The following PPM1H variants were observed in gnomAD, a reference collection of about 807,000 sequenced individuals.
The protein encoded by PPM1H is protein phosphatase 1H.
In PPM1H, 27 loss-of-function variants were observed where a neutral mutation model predicts 54.9. That is an observed-to-expected ratio of 0.49 (90% CI 0.36 to 0.68). PPM1H has a LOEUF of 0.68. Among genes scored for constraint, PPM1H ranks in the 30% least tolerant of loss-of-function variants. The probability of loss-of-function intolerance (pLI) is 0.00; values close to 1 mark genes in which losing one functional copy is unlikely to be tolerated. For missense variants in PPM1H, 596 were observed against 667.8 expected, an observed-to-expected ratio of 0.89 and a Z score of 1.19; for synonymous variants, 305 against 270.8, an observed-to-expected ratio of 1.13 and a Z score of -1.24.
intron 4 of PPM1H, among the ~76,000 whole-genome samples, chr12:62,778,322 A>G (rs2076622522): frequency 6.6e-6 from 1 of 152,220 alleles, no homozygotes; most frequent in South Asian, 2.1e-4. Context: ...TACACGACTT[A>G]GACTACATTT....
At chr12:62,734,521 A>C (rs1212492888) in intron 5 of PPM1H, among the ~76,000 whole-genome samples, 1 of 152,210 alleles carries the variant, frequency 6.6e-6, no homozygotes, top group Non-Finnish European at 1.5e-5. Flanking sequence ...TGAGATCTGA[A>C]GCCACATGCA....
At chr12:62,908,275 T>TGG (rs990588562) in intron 1 of PPM1H, among the ~76,000 whole-genome samples, 1 of 151,902 alleles carries the variant, frequency 6.6e-6, no homozygotes, top group African/African-American at 2.4e-5. Flanking sequence ...GGCGTGATGG[T>TGG]GGGCGCCTGT....
intron 1 of PPM1H, among the ~76,000 whole-genome samples, chr12:62,889,905 T>C (rs1245202871): frequency 6.6e-6 from 1 of 152,210 alleles, no homozygotes; most frequent in Admixed American, 6.5e-5. Context: ...GTACGATCTC[T>C]GAAAGAAATA....
Position 62,645,011 on chromosome 12 carries a change from C to A in PPM1H, c.*3478G>T, listed in dbSNP as rs2075777555. 6.6e-6 allele frequency: 1 copy of A among 152,178 alleles called. No individual in the cohort carries two copies. The allele number at this position is 152,178 out of a possible 1,614,324, so 9.4% of individuals were successfully genotyped here. ...CTTAAGGAAAGCTGAGAACCTCAAA[C>A]CTGTGGAAGGAAAACCAGTGACCAC... On this transcript the variant is annotated 3_prime_UTR_variant, in exon 10 of 10. Transcript: ENST00000228705.
At chr12:62,856,468 T>A (rs530163307) in intron 1 of PPM1H, among the ~76,000 whole-genome samples, 9 of 152,308 alleles carry the variant, frequency 5.9e-5, no homozygotes, top group African/African-American at 2.2e-4. Flanking sequence ...TGTCTCTTTT[T>A]TTTATTTTGT....
At chr12:62,852,477 G>A (rs1394494023) in intron 1 of PPM1H, among the ~76,000 whole-genome samples, 1 of 152,088 alleles carries the variant, frequency 6.6e-6, no homozygotes, top group Non-Finnish European at 1.5e-5. Context: ...AAGTAAATTT[G>A]TTGTTTATGT....
intron 1 of PPM1H, among the ~76,000 whole-genome samples, chr12:62,908,178 C>A (rs866505355): frequency 3.3e-5 from 5 of 152,166 alleles, no homozygotes; most frequent in Admixed American, 1.3e-4. Flanking sequence ...CTTTGGGAAG[C>A]CGAGGGTGGG....
intron 3 of PPM1H, among the ~76,000 whole-genome samples, chr12:62,791,879 G>A (rs191528773): frequency 6.6e-6 from 1 of 152,086 alleles, no homozygotes; most frequent in Non-Finnish European, 1.5e-5. Context: ...AGCCAAGATC[G>A]CACCACACCA....
At chr12:62,679,137 C>G (rs561867574) in intron 8 of PPM1H, among the ~76,000 whole-genome samples, 1 of 152,052 alleles carries the variant, frequency 6.6e-6, no homozygotes, top group South Asian at 2.1e-4. Context: ...CAGGCACATG[C>G]CACCGTGCCC....
intron 6 of PPM1H, among the ~76,000 whole-genome samples, chr12:62,702,683 G>A (rs2076151196): frequency 6.6e-6 from 1 of 152,178 alleles, no homozygotes; most frequent in South Asian, 2.1e-4. Flanking sequence ...TATAACAGGG[G>A]ACCCTATTAT....
intron 6 of PPM1H, among the ~76,000 whole-genome samples, chr12:62,716,950 A>T (rs2076237995): frequency 6.6e-6 from 1 of 152,150 alleles, no homozygotes; most frequent in Non-Finnish European, 1.5e-5. Flanking sequence ...CAGTAGTCTA[A>T]ATTGAATGGA....
rs564922473 is a variant in PPM1H, at chr12:62,878,044, C to T, written c.246-45765G>A. Among the ~76,000 whole-genome samples, 12 of 152,212 alleles carry T rather than the reference C, an allele frequency of 7.9e-5. No individual in the cohort carries two copies. In the South Asian group the frequency reaches 2.3e-3, roughly 29 times the overall value. On this transcript the variant is annotated intron_variant, in intron 1 of 9. Coordinates refer to ENST00000228705, the MANE Select transcript of PPM1H (RefSeq NM_020700.2). ...TCCTGAGTTGCTGAGACTACAGGCGCCCGCCACCACGCCCGGCTAATTTTT... is the reference window on the plus strand; with the variant it reads ...TCCTGAGTTGCTGAGACTACAGGCGTCCGCCACCACGCCCGGCTAATTTTT...
chr12:62,847,266 G>T (rs946286597), intron 1 of PPM1H, among the ~76,000 whole-genome samples: 2 of 152,202 alleles, frequency 1.3e-5, no homozygotes, highest in Admixed American at 6.5e-5. Flanking sequence ...GTGTTCCCAA[G>T]ACCCATTTGT....
intron 1 of PPM1H, among the ~76,000 whole-genome samples, chr12:62,899,365 G>A (rs1468808050): frequency 1.3e-5 from 2 of 151,996 alleles, no homozygotes; most frequent in Non-Finnish European, 2.9e-5. Context: ...GAGGCCAGGA[G>A]TTTGAGATCA....
intron 2 of PPM1H, among the ~76,000 whole-genome samples, chr12:62,824,209 C>T (rs956741398): frequency 2.6e-5 from 4 of 152,130 alleles, no homozygotes; most frequent in African/African-American, 9.7e-5. Flanking sequence ...TGAAGGGCCT[C>T]TTCAAGGAAA....
At chr12:62,892,656 A>G (rs1348257072) in intron 1 of PPM1H, among the ~76,000 whole-genome samples, 1 of 152,220 alleles carries the variant, frequency 6.6e-6, no homozygotes, top group Non-Finnish European at 1.5e-5. Context: ...TGTGTTTACC[A>G]ACAGTATACA....
At chr12:62,885,095 A>G (rs1025043435) in intron 1 of PPM1H, among the ~76,000 whole-genome samples, 1 of 152,170 alleles carries the variant, frequency 6.6e-6, no homozygotes, top group Non-Finnish European at 1.5e-5. Context: ...CAAAAGTAGA[A>G]ACCCCTGATA....
chr12:62,842,181 T>C lies in PPM1H; in HGVS notation c.246-9902A>G, dbSNP rs1868776161. On this transcript the variant is annotated intron_variant, in intron 1 of 9. Transcript: ENST00000228705. ...AAAATAAAGCAGAAAAAATGCTTTT[T>C]GCAGGTTTAGAACAATATCATTTGT... Among the ~76,000 whole-genome samples the C allele has an allele frequency of 2.6e-5, 4 of 152,238 alleles. No individual in the cohort carries two copies. In the South Asian group the frequency reaches 8.3e-4, roughly 32 times the overall value.
At position 62,893,980 on chromosome 12, in the gene PPM1H, G is replaced by A. The variant is rs544249551; in HGVS notation, c.245+40512C>T. ...GAGAAGAGACCAGGTGGAGAGAGAG[G>A]CTCAGCCAGACATCAGCCATTACAG... On this transcript the variant is annotated intron_variant, in intron 1 of 9. Coordinates refer to ENST00000228705, the MANE Select transcript of PPM1H (RefSeq NM_020700.2). 3.9e-5 allele frequency among the ~76,000 whole-genome samples: 6 copies of A among 152,234 alleles called. No homozygotes were observed. The South Asian group carries it at 1.2e-3, about 32-fold the overall frequency.
Sources: allele counts gnomAD v4.1 joint callset (sites outside exome capture counted in the v4.1 genomes callset), GRCh38; gene constraint gnomAD v4.1.1; transcripts MANE v1.5; gene names NCBI Gene and HGNC (gene_info 2026-07-23, HGNC 2026-07-21).